Variants in MTOR observed in about 807,000 individuals in gnomAD.
MTOR encodes the protein mechanistic target of rapamycin kinase, also known as serine/threonine-protein kinase mTOR.
In MTOR, 70 loss-of-function variants were observed where a neutral mutation model predicts 319.8. The observed-to-expected ratio is 0.22, with a 90% confidence interval of 0.18 to 0.27. The LOEUF is 0.27. Ranked by LOEUF, MTOR falls within the 10% of genes least tolerant of loss-of-function variation. The pLI, the probability that MTOR is intolerant of heterozygous loss-of-function variation, is 1.00. For missense variants in MTOR, 1,890 were observed against 3,274.4 expected (o/e 0.58, Z 10.32); for synonymous variants, 1,183 against 1,211.4 (o/e 0.98, Z 0.49).
intron 16 of MTOR, among the ~76,000 whole-genome samples, 159 bp downstream of exon 16, chr1:11,232,277 C>A (rs907473703): frequency 6.6e-6 from 1 of 152,202 alleles, no homozygotes; most frequent in African/African-American, 2.4e-5. Context: ...GGTTTCAAAT[C>A]TTTCTAACTT....
At chr1:11,164,968 C>A (rs189157912) in intron 29 of MTOR, among the ~76,000 whole-genome samples, 2 of 152,142 alleles carry the variant, frequency 1.3e-5, no homozygotes, top group Non-Finnish European at 2.9e-5. Context: ...TAAACGTAAT[C>A]CATCATATAA....
At chr1:11,248,117 AATC>A in intron 6 of MTOR, 23 bp from the exon 7 acceptor site, 1 of 1,554,966 alleles carries the variant, frequency 6.4e-7, no homozygotes, top group Non-Finnish European at 8.7e-7. Flanking sequence ...GGAGGAAAAA[AATC>A]ATCTTTACTT....
chr1:11,201,482 A>G (rs1271163143), intron 26 of MTOR, among the ~76,000 whole-genome samples: 1 of 152,206 alleles, frequency 6.6e-6, no homozygotes, highest in Non-Finnish European at 1.5e-5. Context: ...AATATATATC[A>G]TAACAGCAAA....
At chr1:11,216,939 C>T (rs1377582462) in intron 19 of MTOR, among the ~76,000 whole-genome samples, 1 of 152,168 alleles carries the variant, frequency 6.6e-6, no homozygotes, top group Non-Finnish European at 1.5e-5. Flanking sequence ...TGAAGGATTC[C>T]TGGAATTACT....
intron 36 of MTOR, among the ~76,000 whole-genome samples, chr1:11,136,443 A>G (rs1385364946): frequency 6.6e-6 from 1 of 152,212 alleles, no homozygotes; most frequent in Non-Finnish European, 1.5e-5. Flanking sequence ...GAACTACAAT[A>G]GCATCCCACA....
intron 19 of MTOR, among the ~76,000 whole-genome samples, chr1:11,222,991 G>C (rs1234974842): frequency 6.6e-6 from 1 of 151,974 alleles, no homozygotes; most frequent in Non-Finnish European, 1.5e-5. Flanking sequence ...TGTTGAAATA[G>C]GAGGTATACA....
chr1:11,247,482 A>C, intron 8 of MTOR, 143 bp downstream of exon 8: 1 of 700,664 alleles, frequency 1.4e-6, no homozygotes, highest in Non-Finnish European at 2.4e-6. Flanking sequence ...CCTGAACTAA[A>C]TAGCATTGAA....
At chr1:11,191,045 C>G (rs183324999) in intron 28 of MTOR, among the ~76,000 whole-genome samples, 1 of 152,282 alleles carries the variant, frequency 6.6e-6, no homozygotes, top group Admixed American at 6.5e-5. Flanking sequence ...ACAAGTGAGT[C>G]CTGATTTGGT....
intron 18 of MTOR, among the ~76,000 whole-genome samples, 170 bp from the exon 19 acceptor site, chr1:11,229,088 G>A (rs966832372): frequency 2.6e-5 from 4 of 152,154 alleles, no homozygotes; most frequent in Non-Finnish European, 4.4e-5. Flanking sequence ...CCAATGAATA[G>A]CCTCTCACCA....
chr1:11,197,422 G>A (rs1428429166), intron 28 of MTOR, among the ~76,000 whole-genome samples: 1 of 152,172 alleles, frequency 6.6e-6, no homozygotes, highest in African/African-American at 2.4e-5. Flanking sequence ...GAAAGGTGAT[G>A]GGAAGACACA....
intron 29 of MTOR, among the ~76,000 whole-genome samples, chr1:11,161,944 G>C (rs1644490502): frequency 6.6e-6 from 1 of 152,218 alleles, no homozygotes; most frequent in South Asian, 2.1e-4. Context: ...GAACAACTTT[G>C]ATGAGTTGAA....
At position 11,172,419 on chromosome 1, in the gene MTOR, A is replaced by T. The variant is rs199686182; in HGVS notation, c.4254-4902T>A. Among the ~76,000 whole-genome samples the T allele has an allele frequency of 4.3e-4, 63 of 148,124 alleles. No homozygotes were observed. The East Asian group carries it at 0.013, about 30-fold the overall frequency. On this transcript the variant is annotated intron_variant, in intron 28 of 57. Transcript: ENST00000361445. ...AAAAATACAAAAAAGTTAGCCAGGC[A>T]TGGTGGTGGGCGCCTGTATAGTCCT...
chr1:11,157,683 G>A (rs1050621050), intron 29 of MTOR, among the ~76,000 whole-genome samples: 13 of 152,144 alleles, frequency 8.5e-5, no homozygotes, highest in African/African-American at 3.1e-4. Context: ...AGGTGCCATC[G>A]CTCCGATCTG....
chr1:11,114,448 T>C lies in MTOR; in HGVS notation c.7170A>G (p.Thr2390=), dbSNP rs2100317149. Residue 2390 remains threonine, a synonymous_variant, in exon 53 of 58, where the codon ACA becomes ACG. Coordinates refer to ENST00000361445, the MANE Select transcript of MTOR (RefSeq NM_004958.4). The part of the protein sequence containing the change: ...TRMLTNAMEV[T]GLDGNYRITC... ...TGATTCTGTAGTTGCCATCCAGGCC[T>C]GTAACCTAGAAATGGGACAGAGCCA... 1 of 1,614,176 alleles carries C rather than the reference T, an allele frequency of 6.2e-7. No individual in the cohort carries two copies. Among genetic ancestry groups the C allele is most frequent in the Non-Finnish European group, 8.5e-7 (1 of 1,180,022 alleles).
In MTOR at chr1:11,127,201, G is replaced by A. The variant is rs2100403488; in HGVS notation, c.6217-57C>T. On this transcript the variant is annotated intron_variant, in intron 44 of 57. Transcript: ENST00000361445. The surrounding 1 kb of genome is among the most constrained non-coding windows in gnomAD (Gnocchi z 5.5). ...ATCAAAGTCTCAACCAACCCAGGAGGCAAAATCCCCAGGCTGACTGCAGAT... is the reference window on the plus strand; with the variant it reads ...ATCAAAGTCTCAACCAACCCAGGAGACAAAATCCCCAGGCTGACTGCAGAT... 1 of 1,605,366 alleles carries A rather than the reference G, an allele frequency of 6.2e-7. No homozygotes were observed. The highest frequency in any genetic ancestry group is 2.2e-5 in the East Asian group (1 of 44,832).
At position 11,112,857 on chromosome 1, in the gene MTOR, G is replaced by A; in HGVS notation, c.7361C>T (p.Ser2454Leu). The A allele has an allele frequency of 6.2e-7, 1 of 1,614,224 alleles. No homozygotes were observed. The highest frequency in any genetic ancestry group is 8.5e-7 in the Non-Finnish European group (1 of 1,180,044). ...CCTCCCGTGGATGCACCTACCGACT[G>A]ACTGGCCAGCAGAGTAGGAATCCGT... ...TRTDSYSAGQ[S>L]VEILDGVELG... Residue 2454 changes from serine (S) to leucine (L), a missense_variant, in exon 54 of 58, where the codon TCA (serine) becomes TTA (leucine). Ser to Leu is a moderately radical substitution (Grantham distance 145). This residue lies in a region of MTOR where 49 missense variants were observed against 67.6 expected (regional missense o/e 0.72). Transcript: ENST00000361445.
At chr1:11,156,320 A>G (rs1364138013) in intron 30 of MTOR, among the ~76,000 whole-genome samples, 4 of 152,228 alleles carry the variant, frequency 2.6e-5, no homozygotes, top group African/African-American at 4.8e-5. Flanking sequence ...GCAATTAAAC[A>G]GTTTAACAAT....
chr1:11,123,873 C>T (rs1162026263), intron 47 of MTOR, among the ~76,000 whole-genome samples: 3 of 151,896 alleles, frequency 2.0e-5, no homozygotes, highest in Non-Finnish European at 4.4e-5. Context: ...CTGCAACCTC[C>T]GCCTCCCAGG....
chr1:11,244,453 T>C (rs1648547654), intron 8 of MTOR, among the ~76,000 whole-genome samples: 1 of 151,828 alleles, frequency 6.6e-6, no homozygotes, highest in Non-Finnish European at 1.5e-5. Flanking sequence ...CACAACATGA[T>C]GAAACCCCGT....
Sources: gnomAD v4.1 joint callset for allele counts (sites outside exome capture counted in the v4.1 genomes callset) on GRCh38, gnomAD v4.1.1 for gene constraint, gnomAD v4.1.1 regional missense constraint, Gnocchi (gnomAD v3.1) non-coding constraint, MANE v1.5 for transcripts, NCBI Gene and HGNC (gene_info 2026-07-23, HGNC 2026-07-21) for gene names.